Variants in CLMP observed in about 807,000 individuals in gnomAD.
The protein encoded by CLMP is CXADR-like membrane protein.
A neutral mutation model predicts 45.2 loss-of-function variants in CLMP; 27 were observed. The observed-to-expected ratio is 0.60, with a 90% CI of 0.44 to 0.82. The LOEUF (loss-of-function observed/expected upper bound fraction) is 0.82. Ranked by LOEUF, CLMP falls within the 40% of genes least tolerant of loss-of-function variation. CLMP has a pLI of 0.00. For synonymous variants in CLMP, 167 were observed against 171.4 expected, an observed-to-expected ratio of 0.97 and a Z score of 0.20; for missense variants, 403 against 448.4, an observed-to-expected ratio of 0.90 and a Z score of 0.91.
Position 123,141,173 on chromosome 11 carries a change from C to CTTTTTTTTTTTT in CLMP, c.29-43233_29-43222dup, listed in dbSNP as rs550888215. 2.7e-4 allele frequency among the ~76,000 whole-genome samples: 22 copies of CTTTTTTTTTTTT among 80,808 alleles called. 2 individuals carry two copies. The highest frequency in any genetic ancestry group is 3.6e-4 in the Non-Finnish European group (16 of 45,062). The allele number at this position is 80,808 out of a possible 152,430, so 53.0% of individuals were successfully genotyped here. A position where few individuals can be genotyped will look rare whatever the true frequency, so the allele number is the denominator to read the frequency against. ...GTACATTATCCAATCTCAGGCATTC[C>CTTTTTTTTTTTT]TTTTTTTTTTTTTTTTTTTTTTTTT... On this transcript the variant is annotated intron_variant, in intron 1 of 6. Coordinates refer to ENST00000448775, the MANE Select transcript of CLMP (RefSeq NM_024769.5).
intron 1 of CLMP, chr11:123,136,236 C>A: frequency 4.6e-6 from 3 of 650,784 alleles, no homozygotes; most frequent in Admixed American, 1.8e-5. Flanking sequence ...ATCTGGGTAG[C>A]TACTGCGTAT....
At chr11:123,168,632 A>C (rs1229208572) in intron 1 of CLMP, among the ~76,000 whole-genome samples, 1 of 152,020 alleles carries the variant, frequency 6.6e-6, no homozygotes, top group East Asian at 1.9e-4. Flanking sequence ...TTTTCTTGTC[A>C]AAAGCCACCT....
intron 1 of CLMP, among the ~76,000 whole-genome samples, chr11:123,115,348 A>G (rs1303396557): frequency 1.3e-5 from 2 of 152,096 alleles, no homozygotes; most frequent in Non-Finnish European, 2.9e-5. Context: ...CACCTGGCCT[A>G]GAAATGTTTT....
chr11:123,097,945 G>A lies in CLMP; in HGVS notation c.36C>T (p.Tyr12=), dbSNP rs1866010031. ...TGTGAGTCCCCAAGGTTCCAACATA[G>A]TAGGAAACTGGAAGAGGAAAATCTT... The part of the protein sequence containing the change: ...SLLLLLLLVS[Y]YVGTLGTHTE... The change falls in exon 2 of 7, where the codon TAC becomes TAT. Residue 12 remains tyrosine, a synonymous_variant. Transcript: ENST00000448775. 5.2e-6 allele frequency: 8 copies of A among 1,548,992 alleles called. No homozygotes were observed. In the Admixed American group the frequency reaches 1.6e-4, roughly 32 times the overall value.
At chr11:123,081,713 T>C (rs940174613) in intron 5 of CLMP, among the ~76,000 whole-genome samples, 3 of 151,950 alleles carry the variant, frequency 2.0e-5, no homozygotes, top group South Asian at 2.1e-4. Context: ...TCTACAAAAA[T>C]TAGCCAGGTG....
intron 1 of CLMP, among the ~76,000 whole-genome samples, chr11:123,181,728 A>G (rs1046828588): frequency 6.6e-6 from 1 of 152,252 alleles, no homozygotes; most frequent in African/African-American, 2.4e-5. Context: ...AGGGAAAACA[A>G]TACACACAGA....
intron 1 of CLMP, among the ~76,000 whole-genome samples, chr11:123,178,961 G>GT (rs1591488362): frequency 6.6e-6 from 1 of 152,128 alleles, no homozygotes. Context: ...TTTAAAAAGT[G>GT]TTTTTTTAGG....
Position 123,074,805 on chromosome 11 carries a change from C to T in CLMP, c.718G>A (p.Gly240Ser), listed in dbSNP as rs1865716338. 1 of 1,614,006 alleles carries T rather than the reference C, an allele frequency of 6.2e-7. No homozygotes were observed. The highest frequency in any genetic ancestry group is 1.1e-5 in the South Asian group (1 of 91,070). ...ATCAGCAGGGCTCCAGCCACTATGC[C>T]TGTCACTGCTCCTGCAACCATGCCG... ...SIGMVAGAVT[G>S]IVAGALLIFL... The change falls in exon 6 of 7, where the codon GGC becomes AGC. Residue 240 changes from glycine (G) to serine (S), a missense_variant. By Grantham distance (56) the Gly-to-Ser change is moderately conservative. Transcript: ENST00000448775.
At chr11:123,162,296 A>G (rs1466545280) in intron 1 of CLMP, among the ~76,000 whole-genome samples, 1 of 152,234 alleles carries the variant, frequency 6.6e-6, no homozygotes, top group Non-Finnish European at 1.5e-5. Flanking sequence ...CCATTTATTC[A>G]TTTAACAAAC....
chr11:123,180,778 C>A (rs998357925), intron 1 of CLMP, among the ~76,000 whole-genome samples: 3 of 152,186 alleles, frequency 2.0e-5, no homozygotes, highest in Non-Finnish European at 4.4e-5. Context: ...AGCCTTGCAG[C>A]CATCTGGGGA....
chr11:123,138,555 G>A (rs1195861265), intron 1 of CLMP, among the ~76,000 whole-genome samples: 3 of 151,886 alleles, frequency 2.0e-5, no homozygotes, highest in African/African-American at 4.8e-5. Context: ...CAATTTTGAT[G>A]TAGAGTCCAA....
chr11:123,129,089 G>A (rs1229467476), intron 1 of CLMP, among the ~76,000 whole-genome samples: 4 of 152,066 alleles, frequency 2.6e-5, no homozygotes, highest in African/African-American at 7.2e-5. Context: ...TTGGGAGGTC[G>A]AGGCAGGTGG....
At chr11:123,111,221 C>T (rs1860633419) in intron 1 of CLMP, among the ~76,000 whole-genome samples, 1 of 152,040 alleles carries the variant, frequency 6.6e-6, no homozygotes, top group East Asian at 1.9e-4. Context: ...CTCACTGCAA[C>T]TTCTGCCTCC....
chr11:123,074,691 G>A lies in CLMP; in HGVS notation c.821+11C>T. The A allele has an allele frequency of 6.2e-7, 1 of 1,613,452 alleles. No homozygotes were observed. The highest frequency in any genetic ancestry group is 8.5e-7 in the Non-Finnish European group (1 of 1,179,504). On this transcript the variant is annotated intron_variant, in intron 6 of 6. Transcript: ENST00000448775. Reference sequence around the variant, plus strand: ...AGAAGCCCCGTAAAAGTAGGGATGTGGGAGGTTTACCGAATTTCATTAGGT... The same window carrying A: ...AGAAGCCCCGTAAAAGTAGGGATGTAGGAGGTTTACCGAATTTCATTAGGT...
At chr11:123,085,769 GT>G (rs200240564) in intron 2 of CLMP, among the ~76,000 whole-genome samples, 39,183 of 134,066 alleles carry the variant, frequency 0.29, 6,281 homozygotes, top group African/African-American at 0.48. Flanking sequence ...AATTTTTTAT[GT>G]TTTTTTTTTT....
intron 1 of CLMP, among the ~76,000 whole-genome samples, chr11:123,187,971 C>G (rs1312107811): frequency 6.6e-6 from 1 of 152,188 alleles, no homozygotes; most frequent in East Asian, 1.9e-4. Flanking sequence ...TCCCCGAAGA[C>G]CTGCATGAGA....
In CLMP at chr11:123,097,793, A is replaced by G; in HGVS notation, c.186+2T>C. ...AGGGACTCCAGCCAGGTGTCTACTT[A>G]CCACTTTTTGGTTCCCTTCATTATC... On this transcript the variant is annotated splice_donor_variant, in intron 2 of 6. Coordinates refer to ENST00000448775, the MANE Select transcript of CLMP (RefSeq NM_024769.5). LOFTEE classifies it high-confidence loss of function. The G allele has an allele frequency of 6.3e-7, 1 of 1,585,590 alleles. No homozygotes were observed. The highest frequency in any genetic ancestry group is 8.6e-7 in the Non-Finnish European group (1 of 1,164,146).
intron 1 of CLMP, among the ~76,000 whole-genome samples, chr11:123,165,719 A>G (rs1004995334): frequency 6.6e-6 from 1 of 152,110 alleles, no homozygotes; most frequent in African/African-American, 2.4e-5. Context: ...CTTTGTACCC[A>G]GCCCAAAGAC....
chr11:123,158,217 C>T (rs1861440994), intron 1 of CLMP, among the ~76,000 whole-genome samples: 1 of 152,202 alleles, frequency 6.6e-6, no homozygotes. Context: ...CGTACTGCCT[C>T]TCAGCCTCTA....
Sources: allele counts gnomAD v4.1 joint callset (sites outside exome capture counted in the v4.1 genomes callset), GRCh38; gene constraint gnomAD v4.1.1; transcripts MANE v1.5; gene names NCBI Gene and HGNC (gene_info 2026-07-23, HGNC 2026-07-21).